Variants in BAZ2B observed in about 807,000 individuals in gnomAD.
BAZ2B encodes bromodomain adjacent to zinc finger domain protein 2B.
In BAZ2B, 91 loss-of-function variants were observed where a neutral mutation model predicts 246.0. The ratio of observed to expected loss-of-function variants is 0.37; its 90% confidence interval spans 0.31 to 0.44. BAZ2B has a LOEUF of 0.44. Among genes scored for constraint, BAZ2B ranks in the 20% least tolerant of loss-of-function variants. BAZ2B has a pLI of 1.00. For synonymous variants in BAZ2B, 855 were observed against 860.0 expected, an observed-to-expected ratio of 0.99 and a Z score of 0.10; for missense variants, 2,332 against 2,533.7, an observed-to-expected ratio of 0.92 and a Z score of 1.71.
chr2:159,397,489 T>C lies in BAZ2B; in HGVS notation c.2965-100A>G, dbSNP rs574043006. The C allele has an allele frequency of 1.3e-4, 93 of 710,756 alleles. 1 individual carries two copies. In the East Asian group the frequency reaches 2.6e-3, roughly 20 times the overall value. 44.0% of individuals were successfully genotyped at this position (710,756 alleles called of 1,614,324 possible). A position where few individuals can be genotyped will look rare whatever the true frequency, so the allele number is the denominator to read the frequency against. Reference sequence around the variant, plus strand: ...TTTCTGAGATTCTATAGTTTTTCATTAGGTTGAACCATATGAAATGGCCAA... The same window carrying C: ...TTTCTGAGATTCTATAGTTTTTCATCAGGTTGAACCATATGAAATGGCCAA... On this transcript the variant is annotated intron_variant, in intron 18 of 36. Coordinates refer to ENST00000392783, the MANE Select transcript of BAZ2B (RefSeq NM_013450.4).
chr2:159,468,377 C>G (rs1291781984), intron 3 of BAZ2B, among the ~76,000 whole-genome samples: 1 of 152,126 alleles, frequency 6.6e-6, no homozygotes, highest in Admixed American at 6.6e-5. Flanking sequence ...AGACCCATCT[C>G]TGCCTAAATA....
chr2:159,491,263 A>G (rs555256459), intron 2 of BAZ2B, among the ~76,000 whole-genome samples: 1 of 152,304 alleles, frequency 6.6e-6, no homozygotes, highest in South Asian at 2.1e-4. Context: ...ATAGATTTAA[A>G]AGGTAATTTC....
chr2:159,344,534 CA>C (rs35387556), intron 31 of BAZ2B, among the ~76,000 whole-genome samples: 3,906 of 137,908 alleles, frequency 0.028, 175 homozygotes, highest in African/African-American at 0.099. Flanking sequence ...AACTCCGTCT[CA>C]AAAAAAAAAA....
At chr2:159,516,046 T>A (rs1384521309) in intron 2 of BAZ2B, among the ~76,000 whole-genome samples, 1 of 152,102 alleles carries the variant, frequency 6.6e-6, no homozygotes, top group Non-Finnish European at 1.5e-5. Flanking sequence ...AACCAAAACC[T>A]ACAGTATGTG....
At chr2:159,408,405 A>C (rs753013376) in intron 14 of BAZ2B, among the ~76,000 whole-genome samples, 1 of 152,180 alleles carries the variant, frequency 6.6e-6, no homozygotes, top group Non-Finnish European at 1.5e-5. Context: ...TCCTGGCTTC[A>C]AGCAATCCTC....
chr2:159,511,264 C>T (rs183798702), intron 2 of BAZ2B, among the ~76,000 whole-genome samples: 14 of 152,122 alleles, frequency 9.2e-5, no homozygotes, highest in African/African-American at 3.1e-4. Context: ...AGTGCAATGG[C>T]GTGATCTCAG....
At chr2:159,689,326 G>T in the BAZ2B span, 1 of 372,622 alleles carries the variant, frequency 2.7e-6, no homozygotes, top group South Asian at 2.7e-5. Context: ...GAAGCTCCAT[G>T]AGTTTTCCCA....
At chr2:159,331,713 G>GATA (rs2064825088) in intron 34 of BAZ2B, among the ~76,000 whole-genome samples, 1 of 152,276 alleles carries the variant, frequency 6.6e-6, no homozygotes, top group East Asian at 1.9e-4. Context: ...GTATTACACA[G>GATA]CTATATTCAG....
At chr2:159,577,141 T>G (rs1293782902) in intron 1 of BAZ2B, among the ~76,000 whole-genome samples, 1 of 151,848 alleles carries the variant, frequency 6.6e-6, no homozygotes, top group African/African-American at 2.4e-5. Context: ...GGCAGGAGGA[T>G]CACTTGAGCC....
chr2:159,577,385 T>A lies in BAZ2B; in HGVS notation c.-45-21520A>T, dbSNP rs929048292. The stretch of plus-strand genomic sequence containing the variant: ...CGTTAAAGAGGTTAGCTCCAAATAG[T>A]AGAATTTTAAGTGACTTAACTGTCT... On this transcript the variant is annotated intron_variant, in intron 1 of 36. Transcript: ENST00000392783. Among the ~76,000 whole-genome samples the A allele has an allele frequency of 2.6e-5, 4 of 152,218 alleles. No individual in the cohort carries two copies. In the South Asian group the frequency reaches 6.2e-4, roughly 24 times the overall value.
chr2:159,348,912 A>G lies in BAZ2B; in HGVS notation c.5138-79T>C, dbSNP rs1223239215. ...CACCATGGAAATAAAAAGATTTATT[A>G]ACTATATATAGAACCATCAAATATT... On this transcript the variant is annotated intron_variant, in intron 29 of 36. Coordinates refer to ENST00000392783, the MANE Select transcript of BAZ2B (RefSeq NM_013450.4). 4 of 1,535,672 alleles carry G rather than the reference A, an allele frequency of 2.6e-6. No individual in the cohort carries two copies. The African/African-American group carries it at 5.6e-5, about 22-fold the overall frequency.
At chr2:159,406,204 G>A (rs2065908792) in intron 14 of BAZ2B, among the ~76,000 whole-genome samples, 1 of 152,230 alleles carries the variant, frequency 6.6e-6, no homozygotes, top group South Asian at 2.1e-4. Context: ...TAGCAGTTGT[G>A]ATGAAAACAG....
chr2:159,539,958 T>G lies in BAZ2B; in HGVS notation c.-3+15865A>C, dbSNP rs533787344. 1.2e-3 allele frequency among the ~76,000 whole-genome samples: 184 copies of G among 152,276 alleles called. 1 individual carries two copies. Among genetic ancestry groups the G allele is most frequent in the African/African-American group, 4.2e-3 (176 of 41,554 alleles). On this transcript the variant is annotated intron_variant, in intron 2 of 36. Transcript: ENST00000392783. ...CATCAGGGAGACCTTCCCTGACTGT[T>G]ATATGTATGTTGCCCTCAATTCTAC... is the stretch of plus-strand genomic sequence containing the variant.
chr2:159,495,301 C>T (rs372254357), intron 2 of BAZ2B, among the ~76,000 whole-genome samples: 1 of 150,310 alleles, frequency 6.7e-6, no homozygotes, highest in Non-Finnish European at 1.5e-5. Context: ...CCGGCTAAAA[C>T]GGTGAAACCC....
intron 10 of BAZ2B, among the ~76,000 whole-genome samples, chr2:159,429,594 A>T (rs2150148888): frequency 6.6e-6 from 1 of 152,264 alleles, no homozygotes; most frequent in Middle Eastern, 3.4e-3. Flanking sequence ...AAATCTATTT[A>T]AACTGTTGAC....
At chr2:159,634,380 T>C in the BAZ2B span, among the ~76,000 whole-genome samples, 1 of 152,248 alleles carries the variant, frequency 6.6e-6, no homozygotes, top group East Asian at 1.9e-4. Flanking sequence ...GTCAAGCACT[T>C]CCCCCCTTAC....
At chr2:159,598,813 C>T (rs1258409973) in intron 1 of BAZ2B, among the ~76,000 whole-genome samples, 1 of 152,210 alleles carries the variant, frequency 6.6e-6, no homozygotes, top group South Asian at 2.1e-4. Context: ...TGAGCCACTG[C>T]ATTCCAGCCA....
chr2:159,561,805 C>T (rs1020818873), intron 1 of BAZ2B, among the ~76,000 whole-genome samples: 1 of 152,138 alleles, frequency 6.6e-6, no homozygotes, highest in African/African-American at 2.4e-5. Context: ...TTCAATAAAA[C>T]TGCTCCAAAT....
the BAZ2B span, among the ~76,000 whole-genome samples, chr2:159,656,022 G>C: frequency 1.3e-5 from 2 of 151,974 alleles, no homozygotes; most frequent in Non-Finnish European, 2.9e-5. Flanking sequence ...TGCATATCTA[G>C]TAGTTTTGAC....
Sources: allele counts gnomAD v4.1 joint callset (sites outside exome capture counted in the v4.1 genomes callset), GRCh38; gene constraint gnomAD v4.1.1; transcripts MANE v1.5; gene names NCBI Gene and HGNC (gene_info 2026-07-23, HGNC 2026-07-21).